The following RBFOX2 variants were observed in gnomAD, a reference collection of about 807,000 sequenced individuals.
The protein encoded by RBFOX2 is RNA binding protein fox-1 homolog 2.
A neutral mutation model predicts 49.1 loss-of-function variants in RBFOX2; 10 were observed. The observed-to-expected ratio is 0.20, with a 90% CI of 0.13 to 0.35. The LOEUF is 0.35. Ranked by LOEUF, RBFOX2 falls within the 10% of genes least tolerant of loss-of-function variation. The pLI is 1.00. For synonymous variants in RBFOX2, 183 were observed against 187.4 expected, an observed-to-expected ratio of 0.98 and a Z score of 0.19; for missense variants, 323 against 486.9, an observed-to-expected ratio of 0.66 and a Z score of 3.17.
chr22:35,988,836 A>T (rs2057839573), intron 1 of RBFOX2, among the ~76,000 whole-genome samples: 1 of 152,236 alleles, frequency 6.6e-6, no homozygotes, highest in South Asian at 2.1e-4. Flanking sequence ...CAGTAGCTTC[A>T]GCAGCTGGGT....
intron 5 of RBFOX2, among the ~76,000 whole-genome samples, chr22:35,766,290 C>T (rs1182383615): frequency 2.6e-5 from 4 of 152,154 alleles, no homozygotes; most frequent in Non-Finnish European, 5.9e-5. Flanking sequence ...AGTCTCAAAG[C>T]TCTTGCAAGG....
At chr22:35,821,002 A>C (rs529505552) in intron 1 of RBFOX2, among the ~76,000 whole-genome samples, 2 of 152,222 alleles carry the variant, frequency 1.3e-5, no homozygotes, top group Admixed American at 6.5e-5. Flanking sequence ...AAGGAGAAGA[A>C]GACTACTAGA....
chr22:36,001,713 T>G (rs1304830117), intron 1 of RBFOX2, among the ~76,000 whole-genome samples: 1 of 152,152 alleles, frequency 6.6e-6, no homozygotes, highest in Non-Finnish European at 1.5e-5. Context: ...AGTAAGTTAT[T>G]ACCATACCAC....
At chr22:35,942,480 A>C (rs1240157502), upstream of RBFOX2, among the ~76,000 whole-genome samples, 1 of 152,194 alleles carries the variant, frequency 6.6e-6, no homozygotes. Flanking sequence ...CTAGGAAAAA[A>C]AACCTCAGTT....
chr22:35,881,232 T>C (rs1172667126), intron 1 of RBFOX2, among the ~76,000 whole-genome samples: 2 of 151,056 alleles, frequency 1.3e-5, no homozygotes, highest in African/African-American at 4.9e-5. Context: ...GCCACTGCAC[T>C]CCAGCTTGGC....
intron 1 of RBFOX2, among the ~76,000 whole-genome samples, chr22:36,026,898 G>C (rs114497380): frequency 0.022 from 3,362 of 152,252 alleles, 136 homozygotes; most frequent in African/African-American, 0.076. Context: ...CAGGAAGTCA[G>C]GCAGAGGCTT....
rs887869870 is a variant in RBFOX2, at chr22:36,005,064, C to T, written c.186+23176G>A. Among the ~76,000 whole-genome samples, 3 of 152,224 alleles carry T rather than the reference C, an allele frequency of 2.0e-5. No individual in the cohort carries two copies. In the East Asian group the frequency reaches 5.8e-4, roughly 29 times the overall value. ...ATACACATTAGATGCTCAATAAATA[C>T]GTGTTAAATTTAGGAAGAAAACGCA... On this transcript the variant is annotated intron_variant, in intron 1 of 13. Transcript: ENST00000438146.
chr22:35,810,631 G>A (rs540295301), intron 1 of RBFOX2, among the ~76,000 whole-genome samples: 1 of 152,174 alleles, frequency 6.6e-6, no homozygotes, highest in African/African-American at 2.4e-5. Context: ...TAACTGTCAC[G>A]AAAATTCACA....
At position 35,829,254 on chromosome 22, in the gene RBFOX2, C is replaced by T. The variant is rs1306220402; in HGVS notation, c.27+10938G>A. 5.9e-5 allele frequency among the ~76,000 whole-genome samples: 9 copies of T among 152,190 alleles called. No homozygotes were observed. In the East Asian group the frequency reaches 1.3e-3, roughly 23 times the overall value. On this transcript the variant is annotated intron_variant, in intron 1 of 11. Coordinates refer to ENST00000405409, the Ensembl canonical transcript of RBFOX2. ...GGCATGCAAAGAAGCAGGAAAACTA[C>T]AACACATAATGCTGAGAAAAATAAA...
At chr22:35,998,662 C>CCA (rs2058287885) in intron 1 of RBFOX2, 2 of 152,222 alleles carry the variant, frequency 1.3e-5, no homozygotes, top group African/African-American at 4.8e-5. Context: ...CAAGCATGAG[C>CCA]CACCGCGCCT....
intron 1 of RBFOX2, among the ~76,000 whole-genome samples, chr22:35,931,035 TG>T (rs1275604514): frequency 6.6e-6 from 1 of 152,086 alleles, no homozygotes; most frequent in East Asian, 1.9e-4. Context: ...TGATCTAAAA[TG>T]TAATAGTAAA....
chr22:35,973,025 A>C (rs2056964245), intron 1 of RBFOX2, among the ~76,000 whole-genome samples: 2 of 152,160 alleles, frequency 1.3e-5, no homozygotes, highest in African/African-American at 2.4e-5. Flanking sequence ...ATATTTACCA[A>C]ATCGATCAAG....
At chr22:35,937,868 C>A (rs186669211) in intron 1 of RBFOX2, among the ~76,000 whole-genome samples, 1 of 152,290 alleles carries the variant, frequency 6.6e-6, no homozygotes, top group East Asian at 1.9e-4. Context: ...GGATTACAGG[C>A]ATGAGCCACC....
intron 2 of RBFOX2, among the ~76,000 whole-genome samples, chr22:35,799,165 T>C (rs547257117): frequency 6.6e-6 from 1 of 152,224 alleles, no homozygotes; most frequent in Non-Finnish European, 1.5e-5. Context: ...AGTTAGAATA[T>C]GTACACAAAT....
chr22:35,815,285 G>A (rs1021016779), intron 1 of RBFOX2, among the ~76,000 whole-genome samples: 5 of 152,184 alleles, frequency 3.3e-5, no homozygotes, highest in Admixed American at 2.0e-4. Context: ...GAGAGCAGGT[G>A]AAACTGTTTT....
chr22:35,884,816 T>C (rs570884899), intron 1 of RBFOX2, among the ~76,000 whole-genome samples: 1 of 152,324 alleles, frequency 6.6e-6, no homozygotes, highest in East Asian at 1.9e-4. Context: ...TAGCTGAATG[T>C]ATTACAACAT....
rs2051504734 is a variant in RBFOX2, at chr22:35,925,398, T to C, written c.-34+13449A>G. Among the ~76,000 whole-genome samples the C allele has an allele frequency of 2.0e-5, 3 of 151,988 alleles. No homozygotes were observed. In the South Asian group the frequency reaches 6.2e-4, roughly 31 times the overall value. On this transcript the variant is annotated intron_variant, in intron 1 of 13. Coordinates refer to the RBFOX2 transcript ENST00000359369. ...AAAATTAGCTAGGCGTGGTAGCACA[T>C]GCATGCCTGTAGTTCCAGCTACTTG...
intron 1 of RBFOX2, among the ~76,000 whole-genome samples, chr22:35,836,891 T>C (rs767165650): frequency 2.6e-5 from 4 of 152,262 alleles, no homozygotes; most frequent in Non-Finnish European, 1.5e-5. Context: ...AAGAATGATT[T>C]ATCTTTCCTT....
chr22:35,791,022 A>T (rs1386427936), intron 2 of RBFOX2, among the ~76,000 whole-genome samples: 2 of 151,500 alleles, frequency 1.3e-5, no homozygotes, highest in African/African-American at 4.8e-5. Context: ...CAAAAAACAA[A>T]CACACACACA....
Sources: gnomAD v4.1 joint callset for allele counts (sites outside exome capture counted in the v4.1 genomes callset) on GRCh38, gnomAD v4.1.1 for gene constraint, MANE v1.5 for transcripts, NCBI Gene and HGNC (gene_info 2026-07-23, HGNC 2026-07-21) for gene names.